Variants in CEP135 observed in about 807,000 individuals in gnomAD.
CEP135 encodes centrosomal protein of 135 kDa.
Under a neutral mutation model 157.3 loss-of-function variants are expected in CEP135, and 142 were observed. That is an observed-to-expected ratio of 0.90 (90% confidence interval 0.79 to 1.04). The LOEUF is 1.04. Ranked by LOEUF, CEP135 falls within the 50% of genes least tolerant of loss-of-function variation. CEP135 has a pLI of 0.00. For missense variants in CEP135, 1,317 were observed against 1,309.2 expected (o/e 1.01, Z -0.09); for synonymous variants, 396 against 439.8 (o/e 0.90, Z 1.25).
At chr4:55,994,054 G>A (rs1182716421) in intron 15 of CEP135, among the ~76,000 whole-genome samples, 2 of 152,164 alleles carry the variant, frequency 1.3e-5, no homozygotes, top group Non-Finnish European at 1.5e-5. Context: ...ATATCAGTAA[G>A]TATTGGTAGA....
rs1005049782 is a variant in CEP135, at chr4:56,011,330, T to C, written c.2506-82T>C. On this transcript the variant is annotated intron_variant, in intron 19 of 25. Transcript: ENST00000257287. ...GCCCTACTCTATCTTATTCTCCAAT[T>C]CCAAAGGAATTATTTGAATATAAAT... is the stretch of plus-strand genomic sequence containing the variant. 1.7e-5 allele frequency: 16 copies of C among 943,480 alleles called. No homozygotes were observed. In the African/African-American group the frequency reaches 2.4e-4, roughly 14 times the overall value. The allele number at this position is 943,480 out of a possible 1,614,324, so 58.4% of individuals were successfully genotyped here.
chr4:55,955,387 A>G (rs558622209), intron 4 of CEP135, among the ~76,000 whole-genome samples: 3 of 152,354 alleles, frequency 2.0e-5, no homozygotes, highest in Non-Finnish European at 2.9e-5. Flanking sequence ...GCCAAAGTGT[A>G]TCATCTTATT....
intron 25 of CEP135, among the ~76,000 whole-genome samples, chr4:56,031,039 GAAGGATCACTTGAGTATGGGAGATC>G (rs544075228): frequency 0.024 from 3,650 of 152,112 alleles, 65 homozygotes; most frequent in Admixed American, 0.059. Context: ...GGCTGAGGCA[GAAGGATCACTTGAGTATGGGAGATC>G]AAGACTGCAG....
intron 17 of CEP135, among the ~76,000 whole-genome samples, chr4:56,005,137 T>C (rs1208576465): frequency 6.6e-6 from 1 of 152,030 alleles, no homozygotes; most frequent in Non-Finnish European, 1.5e-5. Flanking sequence ...TACCTTAGGT[T>C]ACACACACAC....
At position 56,011,435 on chromosome 4, in the gene CEP135, A is replaced by G; in HGVS notation, c.2529A>G (p.Ala843=). The G allele has an allele frequency of 1.2e-6, 2 of 1,611,558 alleles. No homozygotes were observed. Among genetic ancestry groups the G allele is most frequent in the Non-Finnish European group, 1.7e-6 (2 of 1,179,160 alleles). The change falls in exon 20 of 26, where the codon GCA becomes GCG. Residue 843 remains alanine, a synonymous_variant. Transcript: ENST00000257287. The stretch of plus-strand genomic sequence containing the variant: ...AGGAAATCTCATTGGAATTGGAAGC[A>G]GCAGTGCAAGAAAAAGAAGAAATGA... ...ENQEISLELE[A]AVQEKEEMKS...
Position 55,997,747 on chromosome 4 carries a change from G to A in CEP135, c.2010-1555G>A, listed in dbSNP as rs183689452. Among the ~76,000 whole-genome samples the A allele has an allele frequency of 2.1e-3, 326 of 152,220 alleles. 2 individuals are homozygous for A. The highest frequency in any genetic ancestry group is 3.6e-3 in the Non-Finnish European group (248 of 68,024). On this transcript the variant is annotated intron_variant, in intron 15 of 25. Transcript: ENST00000257287. Reference sequence around the variant, plus strand: ...GGATAACAGTTCTAATTATGGAACCGTCCTAATTATGGTACTGTTCTAGGA... The same window carrying A: ...GGATAACAGTTCTAATTATGGAACCATCCTAATTATGGTACTGTTCTAGGA...
rs35123416 is a variant in CEP135 at position 56,021,028 on chromosome 4, A to C, written c.3320+248A>C. ...AAATATTTATTGAATAAAATTGTTT[A>C]ATAATCTGAAAAATAAGGTAAAATA... On this transcript the variant is annotated intron_variant, in intron 24 of 25. Transcript: ENST00000257287. 0.2 allele frequency among the ~76,000 whole-genome samples: 29,994 copies of C among 152,162 alleles called. 3,338 individuals are homozygous for C. The highest frequency in any genetic ancestry group is 0.26 in the Non-Finnish European group (17,690 of 67,978).
chr4:55,995,071 T>C (rs1330374343), intron 15 of CEP135, among the ~76,000 whole-genome samples: 1 of 152,228 alleles, frequency 6.6e-6, no homozygotes, highest in Non-Finnish European at 1.5e-5. Flanking sequence ...ATCTCACTTT[T>C]AACCATGTTT....
intron 8 of CEP135, 82 bp from the exon 9 acceptor site, chr4:55,968,981 G>C: frequency 9.6e-7 from 1 of 1,044,018 alleles, no homozygotes; most frequent in Non-Finnish European, 1.4e-6. Flanking sequence ...TGAAGTAATT[G>C]CAAAATTACT....
At chr4:55,991,309 T>G (rs537287358) in intron 14 of CEP135, among the ~76,000 whole-genome samples, 324 of 151,002 alleles carry the variant, frequency 2.1e-3, no homozygotes, top group African/African-American at 7.5e-3. Context: ...AAATTTTTCC[T>G]GTTTTTTTCT....
At chr4:55,952,858 T>A (rs548959557) in intron 2 of CEP135, among the ~76,000 whole-genome samples, 47 of 152,310 alleles carry the variant, frequency 3.1e-4, no homozygotes, top group Non-Finnish European at 5.9e-5. Context: ...GGTATTGTGT[T>A]GTGCTACAGT....
intron 24 of CEP135, among the ~76,000 whole-genome samples, chr4:56,022,007 G>A (rs1408023661): frequency 6.6e-6 from 1 of 152,102 alleles, no homozygotes; most frequent in Non-Finnish European, 1.5e-5. Context: ...TCCAGCCTGA[G>A]TAACAGTGAA....
intron 24 of CEP135, 74 bp from the exon 25 acceptor site, chr4:56,024,427 C>G (rs1731081575): frequency 1.0e-6 from 1 of 992,780 alleles, no homozygotes; most frequent in Non-Finnish European, 1.6e-6. Flanking sequence ...GCTAATAACT[C>G]TTATATTTGT....
intron 10 of CEP135, among the ~76,000 whole-genome samples, chr4:55,971,979 C>A (rs769078817): frequency 6.6e-6 from 1 of 151,938 alleles, no homozygotes; most frequent in Non-Finnish European, 1.5e-5. Flanking sequence ...GGTGAAACCC[C>A]GTCTCCACTA....
intron 23 of CEP135, among the ~76,000 whole-genome samples, chr4:56,019,813 C>T (rs1205276667): frequency 6.6e-6 from 1 of 151,840 alleles, no homozygotes; most frequent in Non-Finnish European, 1.5e-5. Flanking sequence ...GTGGCACACA[C>T]CTATAGTCCC....
At chr4:55,977,165 A>G (rs1729251607) in intron 11 of CEP135, among the ~76,000 whole-genome samples, 1 of 152,104 alleles carries the variant, frequency 6.6e-6, no homozygotes, top group South Asian at 2.1e-4. Flanking sequence ...CTTGTTGGTA[A>G]ACCACAAAGA....
chr4:55,989,303 A>G lies in CEP135; in HGVS notation c.1858-2631A>G, dbSNP rs1332570595. Among the ~76,000 whole-genome samples the G allele has an allele frequency of 3.3e-5, 5 of 152,340 alleles. No homozygotes were observed. The South Asian group carries it at 6.2e-4, about 19-fold the overall frequency. On this transcript the variant is annotated intron_variant, in intron 14 of 25. Transcript: ENST00000257287. ...ATCAGTCATTTATATAGCATTCACTATGTTTCAGATACTTTTCTCAACATT... is the reference window on the plus strand; with the variant it reads ...ATCAGTCATTTATATAGCATTCACTGTGTTTCAGATACTTTTCTCAACATT...
intron 15 of CEP135, among the ~76,000 whole-genome samples, chr4:55,993,322 A>T (rs1729857305): frequency 6.6e-6 from 1 of 152,238 alleles, no homozygotes; most frequent in South Asian, 2.1e-4. Flanking sequence ...TTAGGAAAAG[A>T]AAAGTCTGAG....
At chr4:56,001,504 T>C (rs992839989) in intron 17 of CEP135, among the ~76,000 whole-genome samples, 3 of 152,214 alleles carry the variant, frequency 2.0e-5, no homozygotes, top group Non-Finnish European at 4.4e-5. Context: ...CACCATTTAT[T>C]GAAAAGACTG....
Sources: gnomAD v4.1 joint callset for allele counts (sites outside exome capture counted in the v4.1 genomes callset) on GRCh38, gnomAD v4.1.1 for gene constraint, MANE v1.5 for transcripts, NCBI Gene and HGNC (gene_info 2026-07-23, HGNC 2026-07-21) for gene names.